EQTN: variants seen among roughly 807,000 people sequenced by gnomAD.
The protein encoded by EQTN is equatorin.
In EQTN, 29 loss-of-function variants were observed where a neutral mutation model predicts 26.9. The observed-to-expected ratio is 1.08, with a 90% CI of 0.80 to 1.47. The LOEUF (loss-of-function observed/expected upper bound fraction) is 1.47. EQTN is among the 40% of genes most tolerant of loss of function. EQTN has a pLI of 0.00. For synonymous variants in EQTN, 129 were observed against 120.0 expected, an observed-to-expected ratio of 1.07 and a Z score of -0.49; for missense variants, 391 against 346.1, an observed-to-expected ratio of 1.13 and a Z score of -1.03.
intron 2 of EQTN, 82 bp downstream of exon 2, chr9:27,296,531 A>C: frequency 1.0e-6 from 1 of 989,672 alleles, no homozygotes; most frequent in South Asian, 1.8e-5. Context: ...GGGGGAAATG[A>C]TGGAAATTTA....
Position 27,291,083 on chromosome 9 carries a change from C to A in EQTN, c.377-20G>T. Reference sequence around the variant, plus strand: ...TTGATCCTGTTAAAACAAAACAAAACACAACAAGAACAACAAGAAAACAAC... The same window carrying A: ...TTGATCCTGTTAAAACAAAACAAAAAACAACAAGAACAACAAGAAAACAAC... On this transcript the variant is annotated intron_variant, in intron 4 of 7. Coordinates refer to ENST00000380032, the MANE Select transcript of EQTN (RefSeq NM_020641.3). 6.3e-7 allele frequency: 1 copy of A among 1,596,110 alleles called. No individual in the cohort carries two copies. The highest frequency in any genetic ancestry group is 8.5e-7 in the Non-Finnish European group (1 of 1,171,756).
At chr9:27,294,453 C>G (rs765869125) in intron 2 of EQTN, 51 bp from the exon 3 acceptor site, 3 of 1,158,654 alleles carry the variant, frequency 2.6e-6, no homozygotes, top group East Asian at 5.0e-5. Flanking sequence ...ACTTTTTTTC[C>G]TTTACCTTTT....
At chr9:27,290,806 G>C (rs1050104969) in intron 5 of EQTN, among the ~76,000 whole-genome samples, 1 of 152,222 alleles carries the variant, frequency 6.6e-6, no homozygotes, top group Non-Finnish European at 1.5e-5. Context: ...TTTAACATTT[G>C]TAAGAGAATA....
chr9:27,285,088 C>A, intron 7 of EQTN, 116 bp from the exon 8 acceptor site: 1 of 489,340 alleles, frequency 2.0e-6, no homozygotes, highest in Non-Finnish European at 3.4e-6. Context: ...GTGTTAGTTA[C>A]TTAGTAACAT....
At chr9:27,291,189 C>A in intron 4 of EQTN, 126 bp from the exon 5 acceptor site, 1 of 757,332 alleles carries the variant, frequency 1.3e-6, no homozygotes, top group South Asian at 2.0e-5. Context: ...TATAATGTGT[C>A]AGACCTGTGG....
At chr9:27,285,048 A>C in intron 7 of EQTN, 76 bp from the exon 8 acceptor site, 1 of 1,360,366 alleles carries the variant, frequency 7.4e-7, no homozygotes, top group Non-Finnish European at 9.9e-7. Flanking sequence ...AAAAGCATTC[A>C]AAAATTAAAA....
intron 7 of EQTN, among the ~76,000 whole-genome samples, chr9:27,285,314 T>C (rs1464353917): frequency 6.6e-6 from 1 of 152,012 alleles, no homozygotes; most frequent in African/African-American, 2.4e-5. Context: ...CAGCTAATTT[T>C]TGTATTTTTA....
intron 6 of EQTN, among the ~76,000 whole-genome samples, chr9:27,287,236 G>A (rs1252183010): frequency 6.6e-6 from 1 of 152,122 alleles, no homozygotes. Flanking sequence ...AAGCTTCCAT[G>A]TCTATATTCT....
intron 6 of EQTN, among the ~76,000 whole-genome samples, chr9:27,287,943 A>G (rs926235341): frequency 6.6e-6 from 1 of 152,162 alleles, no homozygotes; most frequent in Admixed American, 6.5e-5. Context: ...AGCTGGGATT[A>G]CAGGTACCCA....
chr9:27,287,493 G>A lies in EQTN; in HGVS notation c.482-1131C>T, dbSNP rs529325299. ...AGAACTAGAGAAGGGTTTGGAATTCGTAATCACTGGAAGTGACAGAAAAGC... is the reference window on the plus strand; with the variant it reads ...AGAACTAGAGAAGGGTTTGGAATTCATAATCACTGGAAGTGACAGAAAAGC... On this transcript the variant is annotated intron_variant, in intron 6 of 7. Coordinates refer to ENST00000380032, the MANE Select transcript of EQTN (RefSeq NM_020641.3). 3.3e-5 allele frequency among the ~76,000 whole-genome samples: 5 copies of A among 152,228 alleles called. No homozygotes were observed. In the South Asian group the frequency reaches 6.2e-4, roughly 19 times the overall value.
chr9:27,291,818 A>G (rs757653737), intron 4 of EQTN, among the ~76,000 whole-genome samples: 4 of 152,204 alleles, frequency 2.6e-5, no homozygotes, highest in Admixed American at 6.5e-5. Flanking sequence ...GTTTCATGTA[A>G]CGACACGTAA....
At chr9:27,294,020 T>G (rs1480102562) in intron 3 of EQTN, among the ~76,000 whole-genome samples, 1 of 152,350 alleles carries the variant, frequency 6.6e-6, no homozygotes, top group East Asian at 1.9e-4. Context: ...TTAATTTTTC[T>G]TTCCACATAA....
intron 2 of EQTN, among the ~76,000 whole-genome samples, chr9:27,295,168 G>C (rs1022375493): frequency 6.6e-6 from 1 of 152,096 alleles, no homozygotes; most frequent in Non-Finnish European, 1.5e-5. Context: ...TAGACTAAAT[G>C]TTCTCCCACA....
Position 27,284,700 on chromosome 9 carries a change from C to T in EQTN, c.*23G>A, listed in dbSNP as rs758320620. On this transcript the variant is annotated 3_prime_UTR_variant, in exon 8 of 8. Coordinates refer to ENST00000380032, the MANE Select transcript of EQTN (RefSeq NM_020641.3). The stretch of plus-strand genomic sequence containing the variant: ...AGTTATTTATTCATCAATAAGATTT[C>T]TTCACCGGGTTCCTTGATTTCTTCA... 6.3e-7 allele frequency: 1 copy of T among 1,597,918 alleles called. No individual in the cohort carries two copies. The highest frequency in any genetic ancestry group is 2.2e-5 in the East Asian group (1 of 44,690).
At chr9:27,295,090 C>G (rs916201313) in intron 2 of EQTN, among the ~76,000 whole-genome samples, 1 of 152,154 alleles carries the variant, frequency 6.6e-6, no homozygotes, top group Non-Finnish European at 1.5e-5. Flanking sequence ...TCATTTCTCT[C>G]TTTGTGAGAA....
intron 3 of EQTN, among the ~76,000 whole-genome samples, chr9:27,293,083 T>C (rs1820269543): frequency 6.6e-6 from 1 of 152,128 alleles, no homozygotes; most frequent in African/African-American, 2.4e-5. Context: ...TTGATGGCCA[T>C]TTCAATTAAC....
intron 2 of EQTN, 140 bp downstream of exon 2, chr9:27,296,473 A>G: frequency 8.5e-6 from 5 of 588,880 alleles, no homozygotes; most frequent in Non-Finnish European, 1.4e-5. Flanking sequence ...GGGCAAGGGT[A>G]TGAACAGGCA....
In EQTN at chr9:27,296,488, A is replaced by G. The variant is rs1820345675; in HGVS notation, c.202+125T>C. 8.8e-6 allele frequency: 6 copies of G among 684,668 alleles called. No homozygotes were observed. The East Asian group carries it at 1.5e-4, about 17-fold the overall frequency. The allele number at this position is 684,668 out of a possible 1,614,324, so 42.4% of individuals were successfully genotyped here. A position where few individuals can be genotyped will look rare whatever the true frequency, so the allele number is the denominator to read the frequency against. ...GGGCAAGGGTATGAACAGGCAGGTC[A>G]CAGAAGTAGAAATAAAATACCCAAC... On this transcript the variant is annotated intron_variant, in intron 2 of 7. Coordinates refer to ENST00000380032, the MANE Select transcript of EQTN (RefSeq NM_020641.3).
intron 5 of EQTN, 90 bp downstream of exon 5, chr9:27,290,929 A>G: frequency 9.7e-7 from 1 of 1,027,426 alleles, no homozygotes; most frequent in Non-Finnish European, 1.4e-6. Flanking sequence ...TTATTGTCTC[A>G]GTATTAGAGG....
Sources: gnomAD v4.1 joint callset for allele counts (sites outside exome capture counted in the v4.1 genomes callset) on GRCh38, gnomAD v4.1.1 for gene constraint, MANE v1.5 for transcripts, NCBI Gene and HGNC (gene_info 2026-07-23, HGNC 2026-07-21) for gene names.